The following PCDHB8 variants were observed in gnomAD, a reference collection of about 807,000 sequenced individuals.
The protein encoded by PCDHB8 is protocadherin beta 8.
For synonymous variants in PCDHB8, 385 were observed against 448.5 expected (o/e 0.86, Z 1.79); for missense variants, 836 against 1,004.0 (o/e 0.83, Z 2.26).
rs199618532 is a variant in PCDHB8, at chr5:141,180,194, G to A, written c.2160G>A (p.Ala720=). The part of the protein sequence containing the change: ...VAVLLCRRSR[A]ASVGRCSVPE... ...TGCTGCTGTGTAGGAGGAGCAGGGCGGCCTCGGTGGGTCGCTGCTCAGTGC... is the reference window on the plus strand; with the variant it reads ...TGCTGCTGTGTAGGAGGAGCAGGGCAGCCTCGGTGGGTCGCTGCTCAGTGC... Residue 720 remains alanine, a synonymous_variant, in exon 1 of 1, where the codon GCG becomes GCA. Transcript: ENST00000239444. 6.2e-7 allele frequency: 1 copy of A among 1,612,752 alleles called. No homozygotes were observed. Among genetic ancestry groups the A allele is most frequent in the East Asian group, 2.2e-5 (1 of 44,872 alleles).
Position 141,180,064 on chromosome 5 carries a change from C to G in PCDHB8, c.2030C>G (p.Ala677Gly), listed in dbSNP as rs781945778. 1.2e-6 allele frequency: 2 copies of G among 1,609,900 alleles called. No homozygotes were observed. The highest frequency in any genetic ancestry group is 2.2e-5 in the South Asian group (2 of 90,992). Residue 677 changes from alanine to glycine, a missense_variant, in exon 1 of 1, where the codon GCT (alanine) becomes GGT (glycine). Transcript: ENST00000239444. ...FSQPYLPLPE[A>G]APAQGQADSL... ...CAGCCCTACCTGCCGCTTCCGGAGG[C>G]TGCCCCAGCCCAGGGCCAGGCCGAC...
chr5:141,179,449 G>T lies in PCDHB8; in HGVS notation c.1415G>T (p.Gly472Val). 2 of 1,613,972 alleles carry T rather than the reference G, an allele frequency of 1.2e-6. No homozygotes were observed. The highest frequency in any genetic ancestry group is 1.7e-6 in the Non-Finnish European group (2 of 1,180,002). The change falls in exon 1 of 1, where the codon GGC becomes GTC. Residue 472 changes from glycine (G) to valine (V), a missense_variant. Physicochemically the swap from Gly to Val is moderately radical, Grantham distance 109. Transcript: ENST00000239444. ...RENNSPALHI[G>V]SVSATDRDSG... ...AACAACAGCCCCGCCCTGCACATCGGCAGCGTCAGCGCCACAGACAGAGAC... is the reference window on the plus strand; with the variant it reads ...AACAACAGCCCCGCCCTGCACATCGTCAGCGTCAGCGCCACAGACAGAGAC...
rs782650929 is a variant in PCDHB8 at position 141,180,075 on chromosome 5, C to T, written c.2041C>T (p.Gln681Ter). ...GCCGCTTCCGGAGGCTGCCCCAGCC[C>T]AGGGCCAGGCCGACTCTCTCACCGT... ...YLPLPEAAPA[Q>*]GQADSLTVYL... Residue 681 changes from glutamine to a stop codon, truncating the protein, a stop_gained, in exon 1 of 1, where the codon CAG becomes TAG. Coordinates refer to ENST00000239444, the MANE Select transcript of PCDHB8 (RefSeq NM_019120.5). LOFTEE classifies it low-confidence loss of function (END_TRUNC). 16 of 1,609,884 alleles carry T rather than the reference C, an allele frequency of 9.9e-6. No individual in the cohort carries two copies. The highest frequency in any genetic ancestry group is 5.3e-5 in the African/African-American group (4 of 74,874).
chr5:141,178,642 G>A lies in PCDHB8; in HGVS notation c.608G>A (p.Arg203Gln). The change falls in exon 1 of 1, where the codon CGA becomes CAA. Residue 203 changes from arginine to glutamine, a missense_variant. Physicochemically the swap from Arg to Gln is conservative, Grantham distance 43. Transcript: ENST00000239444. ...PELVLDKALD[R>Q]EEEAELRLTL... ...CTGGTGCTGGACAAAGCGCTGGACC[G>A]AGAGGAAGAAGCTGAGCTCAGGTTA... The A allele has an allele frequency of 1.9e-6, 3 of 1,613,062 alleles. No homozygotes were observed. The highest frequency in any genetic ancestry group is 2.2e-5 in the East Asian group (1 of 44,718).
At position 141,178,839 on chromosome 5, in the gene PCDHB8, G is replaced by A; in HGVS notation, c.805G>A (p.Asp269Asn). Residue 269 changes from aspartate (D) to asparagine (N), a missense_variant, in exon 1 of 1, where the codon GAT becomes AAT. Asp to Asn is a conservative substitution (Grantham distance 23). Transcript: ENST00000239444. Reference sequence around the variant, plus strand: ...CCTGGTTGTGAAGGTCTCTGCCACGGATGTAGACACAGGAGTCAACGGAGA... The same window carrying A: ...CCTGGTTGTGAAGGTCTCTGCCACGAATGTAGACACAGGAGTCAACGGAGA... ...SFLVVKVSAT[D>N]VDTGVNGEIS... 1 of 1,614,258 alleles carries A rather than the reference G, an allele frequency of 6.2e-7. No individual in the cohort carries two copies.
chr5:141,180,002 C>A lies in PCDHB8; in HGVS notation c.1968C>A (p.Thr656=). 1 of 1,608,762 alleles carries A rather than the reference C, an allele frequency of 6.2e-7. No homozygotes were observed. Among genetic ancestry groups the A allele is most frequent in the Non-Finnish European group, 8.5e-7 (1 of 1,179,744 alleles). Residue 656 remains threonine, a synonymous_variant, in exon 1 of 1, where the codon ACC becomes ACA. Coordinates refer to ENST00000239444, the MANE Select transcript of PCDHB8 (RefSeq NM_019120.5). ...KDNGEPPCSA[T]ATLHVLLVDG... is the part of the protein sequence containing the mutation. ...ATGGCGAGCCTCCGTGCTCGGCCAC[C>A]GCCACGCTGCACGTGCTCCTGGTGG...
At position 141,177,870 on chromosome 5, in the gene PCDHB8, G is replaced by C; in HGVS notation, c.-165G>C. 2 of 638,718 alleles carry C rather than the reference G, an allele frequency of 3.1e-6. No individual in the cohort carries two copies. The highest frequency in any genetic ancestry group is 5.5e-6 in the Non-Finnish European group (2 of 360,816). The allele number at this position is 638,718 out of a possible 1,614,324, so 39.6% of individuals were successfully genotyped here. ...CGGCAAAAAGCAGCAGAACCTGGAA[G>C]TCCACGGGGAGCTTGGATGCCAAAG... On this transcript the variant is annotated 5_prime_UTR_variant, in exon 1 of 1. Coordinates refer to ENST00000239444, the MANE Select transcript of PCDHB8 (RefSeq NM_019120.5).
Position 141,180,114 on chromosome 5 carries a change from G to A in PCDHB8, c.2080G>A (p.Ala694Thr), listed in dbSNP as rs781938170. The A allele has an allele frequency of 7.5e-5, 121 of 1,610,852 alleles. No homozygotes were observed. Among genetic ancestry groups the A allele is most frequent in the Non-Finnish European group, 9.7e-5 (114 of 1,179,868 alleles). ...CTCTCTCACCGTCTACCTGGTGGTG[G>A]CGTTGGCCTCGGTGTCTTCGCTCTT... ...ADSLTVYLVVALASVSSLFLF... is the reference protein window; with the variant it reads ...ADSLTVYLVVTLASVSSLFLF... The change falls in exon 1 of 1, where the codon GCG becomes ACG. Residue 694 changes from alanine to threonine, a missense_variant. Coordinates refer to ENST00000239444, the MANE Select transcript of PCDHB8 (RefSeq NM_019120.5).
chr5:141,180,019 TC>T lies in PCDHB8; in HGVS notation c.1987del (p.Leu663TrpfsTer78). The part of the protein sequence containing the change: ...PCSATATLHV[L>X]LVDGFSQPYL... Reference sequence around the variant, plus strand: ...TCGGCCACCGCCACGCTGCACGTGCTCCTGGTGGACGGCTTCTCCCAGCCCT... The same window carrying T: ...TCGGCCACCGCCACGCTGCACGTGCTCTGGTGGACGGCTTCTCCCAGCCCT... On this transcript the variant is annotated frameshift_variant, in exon 1 of 1. Transcript: ENST00000239444. LOFTEE classifies it low-confidence loss of function (END_TRUNC). The T allele has an allele frequency of 6.2e-7, 1 of 1,609,118 alleles. No homozygotes were observed. The highest frequency in any genetic ancestry group is 8.5e-7 in the Non-Finnish European group (1 of 1,179,754).
rs782748542 is a variant in PCDHB8 at position 141,180,257 on chromosome 5, G to C, written c.2223G>C (p.Arg741Ser). The change falls in exon 1 of 1, where the codon AGG becomes AGC. Residue 741 changes from arginine (R) to serine (S), a missense_variant. Arg to Ser is a moderately radical substitution (Grantham distance 110, BLOSUM62 -1). Coordinates refer to ENST00000239444, the MANE Select transcript of PCDHB8 (RefSeq NM_019120.5). ...TTCCAGGGCATCTGGTGGACGTGAGGGGCACCGGGAGCCTGTCTCAGAACT... is the reference window on the plus strand; with the variant it reads ...TTCCAGGGCATCTGGTGGACGTGAGCGGCACCGGGAGCCTGTCTCAGAACT... ...GPFPGHLVDVRGTGSLSQNYQ... is the reference protein window; with the variant it reads ...GPFPGHLVDVSGTGSLSQNYQ... 1 of 1,613,786 alleles carries C rather than the reference G, an allele frequency of 6.2e-7. No homozygotes were observed. The highest frequency in any genetic ancestry group is 8.5e-7 in the Non-Finnish European group (1 of 1,179,960).
In PCDHB8 at chr5:141,179,512, C is replaced by T. The variant is rs782595275; in HGVS notation, c.1478C>T (p.Pro493Leu). Residue 493 changes from proline to leucine, a missense_variant, in exon 1 of 1, where the codon CCG becomes CTG. By Grantham distance (98) the Pro-to-Leu change is moderately conservative (BLOSUM62 -3). Coordinates refer to ENST00000239444, the MANE Select transcript of PCDHB8 (RefSeq NM_019120.5). ...TNAQVTYSLL[P>L]PQDPHLPLAS... is the part of the protein sequence containing the mutation. The stretch of plus-strand genomic sequence containing the variant: ...GCCCAGGTCACCTACTCGCTGCTGC[C>T]GCCCCAGGATCCGCACCTGCCCCTC... The T allele has an allele frequency of 1.2e-6, 2 of 1,613,520 alleles. No homozygotes were observed. Among genetic ancestry groups the T allele is most frequent in the African/African-American group, 2.7e-5 (2 of 74,938 alleles).
rs782602788 is a variant in PCDHB8, at chr5:141,179,335, C to G, written c.1301C>G (p.Thr434Arg). ...VTDLGTPRLT[T>R]HLNMTVLVSD... ...GACTTAGGGACACCCAGGCTGACAA[C>G]ACATCTCAATATGACCGTGCTGGTG... The change falls in exon 1 of 1, where the codon ACA becomes AGA. Residue 434 changes from threonine (T) to arginine (R), a missense_variant. Physicochemically the swap from Thr to Arg is moderately conservative, Grantham distance 71. Coordinates refer to ENST00000239444, the MANE Select transcript of PCDHB8 (RefSeq NM_019120.5). 5 of 1,614,140 alleles carry G rather than the reference C, an allele frequency of 3.1e-6. No individual in the cohort carries two copies. In the East Asian group the frequency reaches 1.1e-4, roughly 36 times the overall value.
rs781965933 is a variant in PCDHB8, at chr5:141,179,156, T to C, written c.1122T>C (p.Leu374=). Residue 374 remains leucine, a synonymous_variant, in exon 1 of 1, where the codon CTT becomes CTC. Transcript: ENST00000239444. ...TVVALFSVSD[L]DSGENGKISC... is the part of the protein sequence containing the mutation. The stretch of plus-strand genomic sequence containing the variant: ...TTGCACTTTTCAGTGTTTCAGACCT[T>C]GATTCAGGAGAAAATGGGAAAATAA... 10 of 1,614,114 alleles carry C rather than the reference T, an allele frequency of 6.2e-6. No individual in the cohort carries two copies. Among genetic ancestry groups the C allele is most frequent in the Non-Finnish European group, 7.6e-6 (9 of 1,180,058 alleles).
chr5:141,180,111 G>T lies in PCDHB8; in HGVS notation c.2077G>T (p.Val693Leu). 6.2e-7 allele frequency: 1 copy of T among 1,610,914 alleles called. No homozygotes were observed. Among genetic ancestry groups the T allele is most frequent in the Non-Finnish European group, 8.5e-7 (1 of 1,179,850 alleles). Residue 693 changes from valine to leucine, a missense_variant, in exon 1 of 1, where the codon GTG becomes TTG. Coordinates refer to ENST00000239444, the MANE Select transcript of PCDHB8 (RefSeq NM_019120.5). ...CGACTCTCTCACCGTCTACCTGGTG[G>T]TGGCGTTGGCCTCGGTGTCTTCGCT... Reference protein sequence around the residue: ...QADSLTVYLVVALASVSSLFL... With the variant: ...QADSLTVYLVLALASVSSLFL...
rs1753417183 is a variant in PCDHB8 at position 141,177,876 on chromosome 5, G to A, written c.-159G>A. 4.7e-6 allele frequency: 3 copies of A among 644,858 alleles called. No individual in the cohort carries two copies. Among genetic ancestry groups the A allele is most frequent in the Non-Finnish European group, 8.2e-6 (3 of 366,574 alleles). 39.9% of individuals were successfully genotyped at this position (644,858 alleles called of 1,614,324 possible). A position where few individuals can be genotyped will look rare whatever the true frequency, so the allele number is the denominator to read the frequency against. Reference sequence around the variant, plus strand: ...AAAGCAGCAGAACCTGGAAGTCCACGGGGAGCTTGGATGCCAAAGGGAGGA... The same window carrying A: ...AAAGCAGCAGAACCTGGAAGTCCACAGGGAGCTTGGATGCCAAAGGGAGGA... On this transcript the variant is annotated 5_prime_UTR_variant, in exon 1 of 1. Transcript: ENST00000239444.
In PCDHB8 at chr5:141,179,540, C is replaced by G; in HGVS notation, c.1506C>G (p.Ala502=). 1.2e-6 allele frequency: 2 copies of G among 1,613,808 alleles called. No individual in the cohort carries two copies. The highest frequency in any genetic ancestry group is 1.7e-6 in the Non-Finnish European group (2 of 1,180,022). Reference sequence around the variant, plus strand: ...CCCAGGATCCGCACCTGCCCCTCGCCTCCCTGGTCTCCATCAACACAGACA... The same window carrying G: ...CCCAGGATCCGCACCTGCCCCTCGCGTCCCTGGTCTCCATCAACACAGACA... ...LPPQDPHLPL[A]SLVSINTDNG... is the part of the protein sequence containing the mutation. Residue 502 remains alanine (A), a synonymous_variant, in exon 1 of 1, where the codon GCC becomes GCG. Transcript: ENST00000239444.
chr5:141,177,824 C>G lies in PCDHB8; in HGVS notation c.-211C>G. ...AGGATAAGAAGGCACAAACCAGAAC[C>G]GCAGCTGCAGCTCCATTAACCGGCA... On this transcript the variant is annotated 5_prime_UTR_variant, in exon 1 of 1. Coordinates refer to ENST00000239444, the MANE Select transcript of PCDHB8 (RefSeq NM_019120.5). The G allele has an allele frequency of 1.6e-6, 1 of 624,432 alleles. No homozygotes were observed. 38.7% of individuals were successfully genotyped at this position (624,432 alleles called of 1,614,324 possible).
rs534963787 is a variant in PCDHB8 at position 141,179,338 on chromosome 5, A to T, written c.1304A>T (p.His435Leu). The change falls in exon 1 of 1, where the codon CAT (histidine) becomes CTT (leucine). Residue 435 changes from histidine (H) to leucine (L), a missense_variant. Transcript: ENST00000239444. ...TTAGGGACACCCAGGCTGACAACAC[A>T]TCTCAATATGACCGTGCTGGTGTCG... ...TDLGTPRLTT[H>L]LNMTVLVSDV... is the part of the protein sequence containing the mutation. 4 of 1,614,222 alleles carry T rather than the reference A, an allele frequency of 2.5e-6. No homozygotes were observed. Among genetic ancestry groups the T allele is most frequent in the East Asian group, 2.2e-5 (1 of 44,884 alleles).
Position 141,178,789 on chromosome 5 carries a change from T to G in PCDHB8, c.755T>G (p.Ile252Ser), listed in dbSNP as rs1554281019. 1.9e-6 allele frequency: 3 copies of G among 1,614,090 alleles called. No individual in the cohort carries two copies. In the African/African-American group the frequency reaches 4.0e-5, roughly 22 times the overall value. ...EFEQPFYRVQ[I>S]SEDSPISFLV... ...GAGCAGCCTTTCTATAGGGTGCAGA[T>G]CTCTGAGGACAGTCCAATAAGCTTC... Residue 252 changes from isoleucine to serine, a missense_variant, in exon 1 of 1, where the codon ATC (isoleucine) becomes AGC (serine). By Grantham distance (142) the Ile-to-Ser change is moderately radical. Transcript: ENST00000239444.
Sources: gnomAD v4.1 joint callset for allele counts on GRCh38, gnomAD v4.1.1 for gene constraint, MANE v1.5 for transcripts, NCBI Gene and HGNC (gene_info 2026-07-23, HGNC 2026-07-21) for gene names.